The following GPHN variants were observed in gnomAD, a reference collection of about 807,000 sequenced individuals.
The protein encoded by GPHN is gephyrin.
In GPHN, 17 loss-of-function variants were observed where a neutral mutation model predicts 95.5. The observed-to-expected ratio is 0.18, with a 90% confidence interval of 0.12 to 0.27. The LOEUF is 0.27. GPHN is among the 10% of genes least tolerant of loss of function. The probability of loss-of-function intolerance (pLI) is 1.00; values close to 1 mark genes in which losing one functional copy is unlikely to be tolerated. For synonymous variants in GPHN, 320 were observed against 322.5 expected, an observed-to-expected ratio of 0.99 and a Z score of 0.08; for missense variants, 660 against 978.1, an observed-to-expected ratio of 0.67 and a Z score of 4.34.
At chr14:66,562,672 A>C (rs1349861941) in intron 1 of GPHN, among the ~76,000 whole-genome samples, 1 of 152,166 alleles carries the variant, frequency 6.6e-6, no homozygotes, top group Non-Finnish European at 1.5e-5. Context: ...TAAGAACAGC[A>C]AATTGTAGGA....
intron 9 of GPHN, among the ~76,000 whole-genome samples, chr14:66,978,055 G>A (rs1243541227): frequency 6.6e-6 from 1 of 152,188 alleles, no homozygotes; most frequent in East Asian, 1.9e-4. Flanking sequence ...AGTCTATTAA[G>A]TGTGAAAAGG....
the GPHN span, chr14:67,447,818 C>T: frequency 2.6e-5 from 4 of 152,098 alleles, no homozygotes; most frequent in African/African-American, 4.8e-5. Flanking sequence ...TGAAATCTGG[C>T]GAATGTGGGT....
the GPHN span, among the ~76,000 whole-genome samples, chr14:67,657,559 A>C: frequency 1.3e-5 from 2 of 151,972 alleles, no homozygotes; most frequent in African/African-American, 4.8e-5. Flanking sequence ...AAACGGAGGC[A>C]GCTCCAAGTT....
chr14:66,672,133 T>G (rs2066333548), intron 1 of GPHN, among the ~76,000 whole-genome samples: 4 of 152,180 alleles, frequency 2.6e-5, no homozygotes, highest in African/African-American at 9.6e-5. Flanking sequence ...TACATTTTGA[T>G]AAATTATGGT....
At chr14:67,324,849 A>G in the GPHN span, among the ~76,000 whole-genome samples, 1 of 148,624 alleles carries the variant, frequency 6.7e-6, no homozygotes, top group African/African-American at 2.5e-5. Context: ...TCAGCCTCCC[A>G]AAGTTCTTGG....
At chr14:66,932,454 T>TTTTTGTTTTG (rs1555444706) in intron 8 of GPHN, among the ~76,000 whole-genome samples, 1 of 109,798 alleles carries the variant, frequency 9.1e-6, no homozygotes, top group Non-Finnish European at 2.0e-5. Flanking sequence ...GTTTTTTTTT[T>TTTTTGTTTTG]TTTTTTTTTT....
chr14:67,557,371 G>C, the GPHN span: 11 of 1,613,834 alleles, frequency 6.8e-6, no homozygotes, highest in East Asian at 2.0e-4. Flanking sequence ...AGCCATAAAG[G>C]GCAAAGATGA....
the GPHN span, chr14:67,647,072 C>T: frequency 8.7e-7 from 1 of 1,154,674 alleles, no homozygotes; most frequent in South Asian, 1.3e-5. Context: ...ATGGGCAACA[C>T]ACTTTTAGCC....
the GPHN span, chr14:67,392,941 G>T: frequency 9.0e-7 from 1 of 1,107,694 alleles, no homozygotes; most frequent in Non-Finnish European, 1.3e-6. Flanking sequence ...GGCCCTCTGG[G>T]CAGCCTCAGG....
At chr14:66,873,570 G>C (rs2063530096) in intron 4 of GPHN, among the ~76,000 whole-genome samples, 1 of 152,148 alleles carries the variant, frequency 6.6e-6, no homozygotes, top group African/African-American at 2.4e-5. Flanking sequence ...ACTCCAGCTT[G>C]GTGTGGGGAG....
chr14:67,306,879 A>T, the GPHN span, among the ~76,000 whole-genome samples: 5 of 152,226 alleles, frequency 3.3e-5, no homozygotes, highest in Non-Finnish European at 7.4e-5. Flanking sequence ...GAACCAATTT[A>T]TTGAGTATCA....
intron 10 of GPHN, among the ~76,000 whole-genome samples, chr14:67,039,305 A>T (rs1470272132): frequency 3.9e-5 from 6 of 152,156 alleles, no homozygotes; most frequent in Non-Finnish European, 8.8e-5. Flanking sequence ...TTGTTTAAAG[A>T]TCCCCCCTGT....
the GPHN span, chr14:67,660,236 T>TAGG: frequency 1.1e-5 from 2 of 183,284 alleles, no homozygotes; most frequent in African/African-American, 4.7e-5. Flanking sequence ...ATCAATAAGG[T>TAGG]AGGAAATGCT....
chr14:67,432,095 T>A, the GPHN span, among the ~76,000 whole-genome samples: 2 of 152,212 alleles, frequency 1.3e-5, no homozygotes, highest in African/African-American at 4.8e-5. Flanking sequence ...GCAGCCACTA[T>A]GAATTGGTAA....
the GPHN span, among the ~76,000 whole-genome samples, chr14:67,680,773 TAA>T: frequency 7.9e-5 from 12 of 152,206 alleles, no homozygotes; most frequent in Non-Finnish European, 1.5e-4. Context: ...AAGAGCTAGT[TAA>T]GTGTGCCTAT....
chr14:67,151,756 G>T (rs1298889742), intron 18 of GPHN, among the ~76,000 whole-genome samples: 1 of 152,138 alleles, frequency 6.6e-6, no homozygotes, highest in Non-Finnish European at 1.5e-5. Flanking sequence ...CAATTCTTAT[G>T]CCTCAGCCCC....
chr14:67,626,858 C>A, the GPHN span, among the ~76,000 whole-genome samples: 9 of 152,140 alleles, frequency 5.9e-5, no homozygotes, highest in Non-Finnish European at 8.8e-5. Flanking sequence ...GAAAATTTGA[C>A]ATATCCATAT....
chr14:66,775,160 G>A (rs902321987), intron 2 of GPHN, among the ~76,000 whole-genome samples: 21 of 151,442 alleles, frequency 1.4e-4, no homozygotes, highest in Non-Finnish European at 5.9e-5. Context: ...CATTTGGTTG[G>A]GTATCTTTTT....
At chr14:67,011,916 A>G (rs531938303) in intron 9 of GPHN, among the ~76,000 whole-genome samples, 14 of 150,278 alleles carry the variant, frequency 9.3e-5, no homozygotes, top group South Asian at 6.3e-4. Context: ...AGATGTCTCA[A>G]AACTACTCTG....
Sources: allele counts gnomAD v4.1 joint callset (sites outside exome capture counted in the v4.1 genomes callset), GRCh38; gene constraint gnomAD v4.1.1; transcripts MANE v1.5; gene names NCBI Gene and HGNC (gene_info 2026-07-23, HGNC 2026-07-21).